Variants in GABRG1 observed in about 807,000 individuals in gnomAD.
GABRG1 encodes gamma-aminobutyric acid type A receptor subunit gamma1.
Under a neutral mutation model 49.8 loss-of-function variants are expected in GABRG1, and 49 were observed. The ratio of observed to expected loss-of-function variants is 0.98; its 90% confidence interval spans 0.78 to 1.25. The LOEUF (loss-of-function observed/expected upper bound fraction) is 1.25. GABRG1 is among the 50% of genes most tolerant of loss of function. The probability of loss-of-function intolerance (pLI) is 0.00; values close to 1 mark genes in which losing one functional copy is unlikely to be tolerated. For synonymous variants in GABRG1, 232 were observed against 185.1 expected, an observed-to-expected ratio of 1.25 and a Z score of -2.06; for missense variants, 552 against 552.3, an observed-to-expected ratio of 1.00 and a Z score of 0.01.
intron 1 of GABRG1, among the ~76,000 whole-genome samples, chr4:46,110,779 G>A (rs990112503): frequency 6.6e-6 from 1 of 150,994 alleles, no homozygotes; most frequent in African/African-American, 2.4e-5. Context: ...CGTGGAAAAA[G>A]CTTTAGATAT....
intron 2 of GABRG1, among the ~76,000 whole-genome samples, chr4:46,085,460 T>C (rs1363580732): frequency 2.0e-5 from 3 of 151,554 alleles, no homozygotes; most frequent in Non-Finnish European, 4.4e-5. Context: ...GCTACTAATA[T>C]AGAAGATACT....
At chr4:46,107,458 T>A (rs1720588619) in intron 1 of GABRG1, among the ~76,000 whole-genome samples, 1 of 151,074 alleles carries the variant, frequency 6.6e-6, no homozygotes, top group Admixed American at 6.6e-5. Flanking sequence ...CCATCCTCAT[T>A]GTTACTCAGT....
intron 2 of GABRG1, among the ~76,000 whole-genome samples, chr4:46,086,197 A>G (rs1028797386): frequency 1.3e-5 from 2 of 151,618 alleles, no homozygotes; most frequent in African/African-American, 2.4e-5. Flanking sequence ...ATATTCTCCC[A>G]GTGGGATTAG....
intron 8 of GABRG1, among the ~76,000 whole-genome samples, chr4:46,049,539 C>T (rs1553878934): frequency 6.6e-6 from 1 of 151,818 alleles, no homozygotes; most frequent in Non-Finnish European, 1.5e-5. Context: ...TTGCTATTTG[C>T]CATTTAGTAC....
At chr4:46,118,021 T>G (rs1577673956) in intron 1 of GABRG1, among the ~76,000 whole-genome samples, 2 of 114,036 alleles carry the variant, frequency 1.8e-5, no homozygotes, top group South Asian at 4.6e-4. Context: ...TACATGTGTA[T>G]CTATATACAT....
chr4:46,059,200 G>C (rs2109403503), intron 5 of GABRG1, among the ~76,000 whole-genome samples: 1 of 152,064 alleles, frequency 6.6e-6, no homozygotes, highest in South Asian at 2.1e-4. Flanking sequence ...AGACATTTGT[G>C]GTATTTTCTG....
chr4:46,113,056 A>T (rs560125587), intron 1 of GABRG1, among the ~76,000 whole-genome samples: 1 of 151,244 alleles, frequency 6.6e-6, no homozygotes, highest in African/African-American at 2.4e-5. Context: ...TCACTCACTT[A>T]TAGTATTTGT....
chr4:46,090,156 A>T (rs1453521299), intron 2 of GABRG1, among the ~76,000 whole-genome samples: 1 of 152,064 alleles, frequency 6.6e-6, no homozygotes, highest in African/African-American at 2.4e-5. Context: ...ATACATACAA[A>T]AATTACTTCA....
chr4:46,086,177 A>C (rs1392596755), intron 2 of GABRG1, among the ~76,000 whole-genome samples: 1 of 151,578 alleles, frequency 6.6e-6, no homozygotes, highest in Non-Finnish European at 1.5e-5. Context: ...GCTCAACAGG[A>C]TATAAGTAGA....
chr4:46,052,695 G>A (rs1368711874), intron 7 of GABRG1, among the ~76,000 whole-genome samples: 6 of 151,728 alleles, frequency 4.0e-5, no homozygotes, highest in Non-Finnish European at 8.8e-5. Flanking sequence ...CCCCATGAGC[G>A]GAATTGTTTA....
intron 1 of GABRG1, among the ~76,000 whole-genome samples, chr4:46,123,110 ACAC>A (rs1474825747): frequency 2.3e-5 from 3 of 130,426 alleles, no homozygotes; most frequent in Non-Finnish European, 4.5e-5. Context: ...AAACACACAC[ACAC>A]ACACACACAC....
intron 3 of GABRG1, among the ~76,000 whole-genome samples, chr4:46,081,181 G>A (rs1018510469): frequency 6.6e-6 from 1 of 151,490 alleles, no homozygotes; most frequent in African/African-American, 2.4e-5. Flanking sequence ...TCATTTCTTT[G>A]TTCTTCTCTC....
chr4:46,073,348 A>T (rs1008534230), intron 3 of GABRG1, among the ~76,000 whole-genome samples: 2 of 152,000 alleles, frequency 1.3e-5, no homozygotes, highest in African/African-American at 4.8e-5. Flanking sequence ...AACGTGTAAG[A>T]GATTCTGATC....
Position 46,064,539 on chromosome 4 carries a change from G to T in GABRG1, c.543-16C>A, listed in dbSNP as rs2109408195. 2 of 1,271,322 alleles carry T rather than the reference G, an allele frequency of 1.6e-6. No homozygotes were observed. The highest frequency in any genetic ancestry group is 2.2e-6 in the Non-Finnish European group (2 of 924,730). 78.8% of individuals were successfully genotyped at this position (1,271,322 alleles called of 1,614,324 possible). ...AATTGTCAATCTATTTAGATGGAAA[G>T]AAAAGTATTAAATAAAGATAAATAA... On this transcript the variant is annotated splice_polypyrimidine_tract_variant and intron_variant, in intron 4 of 8. Transcript: ENST00000295452.
intron 2 of GABRG1, among the ~76,000 whole-genome samples, chr4:46,086,871 C>A (rs1485311842): frequency 6.6e-6 from 1 of 151,480 alleles, no homozygotes; most frequent in Non-Finnish European, 1.5e-5. Flanking sequence ...TGAATATTTT[C>A]TTTTATTGTG....
At chr4:46,105,794 T>C (rs906605592) in intron 1 of GABRG1, among the ~76,000 whole-genome samples, 13 of 120,560 alleles carry the variant, frequency 1.1e-4, no homozygotes, top group Non-Finnish European at 5.6e-5. Context: ...AGATAGATGA[T>C]AGATAGATAG....
In GABRG1 at chr4:46,040,848, C is replaced by A; in HGVS notation, c.*140G>T. 1 of 847,512 alleles carries A rather than the reference C, an allele frequency of 1.2e-6. No homozygotes were observed. The highest frequency in any genetic ancestry group is 1.8e-5 in the South Asian group (1 of 54,562). The allele number at this position is 847,512 out of a possible 1,614,324, so 52.5% of individuals were successfully genotyped here. A position where few individuals can be genotyped will look rare whatever the true frequency, so the allele number is the denominator to read the frequency against. ...CTGCTACTTTATTTACTTCTGAAGG[C>A]CTTAAAATAGTTACAATACTATTCA... is the stretch of plus-strand genomic sequence containing the variant. On this transcript the variant is annotated 3_prime_UTR_variant, in exon 9 of 9. Transcript: ENST00000295452.
chr4:46,045,491 C>T (rs918622501), intron 8 of GABRG1, among the ~76,000 whole-genome samples: 2 of 150,976 alleles, frequency 1.3e-5, no homozygotes, highest in South Asian at 2.1e-4. Context: ...AAAAATAAAA[C>T]ATAAGAATAT....
chr4:46,042,127 TG>T (rs1246878786), intron 8 of GABRG1, among the ~76,000 whole-genome samples: 1 of 151,942 alleles, frequency 6.6e-6, no homozygotes, highest in African/African-American at 2.4e-5. Flanking sequence ...AATGGGATGA[TG>T]GATATAAAAC....
Sources: gnomAD v4.1 joint callset for allele counts (sites outside exome capture counted in the v4.1 genomes callset) on GRCh38, gnomAD v4.1.1 for gene constraint, MANE v1.5 for transcripts, NCBI Gene and HGNC (gene_info 2026-07-23, HGNC 2026-07-21) for gene names.